Variants in ABRACL observed in about 807,000 individuals in gnomAD.
The protein encoded by ABRACL is costars family protein ABRACL.
ABRACL carries 4 observed loss-of-function variants against 7.0 expected under a neutral mutation model. That is an observed-to-expected ratio of 0.57 (90% CI 0.28 to 1.30). The LOEUF (loss-of-function observed/expected upper bound fraction) is 1.30. Ranked by LOEUF, ABRACL falls within the 50% of genes most tolerant of loss-of-function variation. ABRACL has a pLI of 0.10. For synonymous variants in ABRACL, 30 were observed against 36.0 expected, an observed-to-expected ratio of 0.83 and a Z score of 0.60; for missense variants, 104 against 97.3, an observed-to-expected ratio of 1.07 and a Z score of -0.29.
chr6:139,042,883 A>G lies in ABRACL; in HGVS notation c.226A>G (p.Ile76Val). ...GCAAGGTGTTCATGATGATGTTGACATTATATTACTGCAAGATTAATGTGG... is the reference window on the plus strand; with the variant it reads ...GCAAGGTGTTCATGATGATGTTGACGTTATATTACTGCAAGATTAATGTGG... ...LLQGVHDDVDIILLQD is the reference protein window; with the variant it reads ...LLQGVHDDVDVILLQD Residue 76 changes from isoleucine to valine, a missense_variant, in exon 3 of 3, where the codon ATT (isoleucine) becomes GTT (valine). Physicochemically the swap from Ile to Val is conservative, Grantham distance 29. Coordinates refer to ENST00000367660, the MANE Select transcript of ABRACL (RefSeq NM_021243.3). The G allele has an allele frequency of 1.2e-6, 2 of 1,610,554 alleles. No homozygotes were observed. Among genetic ancestry groups the G allele is most frequent in the Non-Finnish European group, 1.7e-6 (2 of 1,178,816 alleles).
chr6:139,031,100 T>G (rs893821118), intron 1 of ABRACL, among the ~76,000 whole-genome samples: 3 of 152,214 alleles, frequency 2.0e-5, no homozygotes, highest in African/African-American at 4.8e-5. Flanking sequence ...GTTAAAGAGA[T>G]AACATCTTTC....
Position 139,042,988 on chromosome 6 carries a change from C to A in ABRACL, c.*85C>A. 2.6e-6 allele frequency: 3 copies of A among 1,150,928 alleles called. No homozygotes were observed. Among genetic ancestry groups the A allele is most frequent in the Non-Finnish European group, 3.6e-6 (3 of 839,298 alleles). 71.3% of individuals were successfully genotyped at this position (1,150,928 alleles called of 1,614,324 possible). On this transcript the variant is annotated 3_prime_UTR_variant, in exon 3 of 3. Coordinates refer to ENST00000367660, the MANE Select transcript of ABRACL (RefSeq NM_021243.3). ...GTGAAAGAACAAACATTTGAACATA[C>A]TTAATGTATTTTTATAGAACTTTGT... is the stretch of plus-strand genomic sequence containing the variant.
At chr6:139,031,591 A>C (rs1786082380) in intron 1 of ABRACL, among the ~76,000 whole-genome samples, 1 of 152,180 alleles carries the variant, frequency 6.6e-6, no homozygotes, top group Non-Finnish European at 1.5e-5. Flanking sequence ...ATGGCTGGAC[A>C]TTTCTTTGTG....
chr6:139,037,839 C>T (rs1170825167), intron 2 of ABRACL, among the ~76,000 whole-genome samples: 1 of 147,758 alleles, frequency 6.8e-6, no homozygotes, highest in Non-Finnish European at 1.5e-5. Flanking sequence ...TACAGTGGTG[C>T]GATTTTGGCT....
At chr6:139,034,521 A>G in intron 2 of ABRACL, 2 of 1,136,962 alleles carry the variant, frequency 1.8e-6, no homozygotes, top group Non-Finnish European at 2.4e-6. Flanking sequence ...TAATTGAATC[A>G]TGTTCAAATT....
intron 2 of ABRACL, among the ~76,000 whole-genome samples, chr6:139,035,325 G>A (rs191944137): frequency 3.0e-4 from 45 of 152,140 alleles, no homozygotes; most frequent in African/African-American, 1.1e-3. Flanking sequence ...TAAGGTGTTG[G>A]CCGGGGACTC....
At position 139,042,701 on chromosome 6, in the gene ABRACL, T is replaced by C. The variant is rs1786270333; in HGVS notation, c.62-18T>C. The C allele has an allele frequency of 6.2e-7, 1 of 1,601,944 alleles. No homozygotes were observed. The highest frequency in any genetic ancestry group is 8.5e-7 in the Non-Finnish European group (1 of 1,173,284). On this transcript the variant is annotated intron_variant, in intron 2 of 2. Transcript: ENST00000367660. ...AAACAGACTTTGCATTTGCTAACAATGTATTTTCTCAAACTAGATGCTGAT... is the reference window on the plus strand; with the variant it reads ...AAACAGACTTTGCATTTGCTAACAACGTATTTTCTCAAACTAGATGCTGAT...
chr6:139,041,426 TC>T (rs1192496828), intron 2 of ABRACL, among the ~76,000 whole-genome samples: 1 of 47,796 alleles, frequency 2.1e-5, no homozygotes, highest in East Asian at 5.7e-4. Flanking sequence ...ACCAGACCCA[TC>T]TCTCTCTCTC....
In ABRACL at chr6:139,043,136, C is replaced by G; in HGVS notation, c.*233C>G. 1 of 328,280 alleles carries G rather than the reference C, an allele frequency of 3.0e-6. No individual in the cohort carries two copies. The allele number at this position is 328,280 out of a possible 1,614,324, so 20.3% of individuals were successfully genotyped here. A position where few individuals can be genotyped will look rare whatever the true frequency, so the allele number is the denominator to read the frequency against. ...CAGGAATCTGGTTAGGAATTGCAGG[C>G]AATGAGATTTTTTGCGGGGCAGGGA... On this transcript the variant is annotated 3_prime_UTR_variant, in exon 3 of 3. Transcript: ENST00000367660.
chr6:139,030,984 T>C (rs1431437887), intron 1 of ABRACL, among the ~76,000 whole-genome samples: 4 of 152,220 alleles, frequency 2.6e-5, no homozygotes, highest in Non-Finnish European at 5.9e-5. Context: ...AATGCAGGTA[T>C]GCGTACTATA....
intron 2 of ABRACL, among the ~76,000 whole-genome samples, chr6:139,040,564 G>A (rs1283899756): frequency 6.6e-6 from 1 of 152,070 alleles, no homozygotes; most frequent in Admixed American, 6.6e-5. Flanking sequence ...TCATTTGATG[G>A]ATACCTGAAG....
chr6:139,030,937 A>G (rs1347923755), intron 1 of ABRACL, among the ~76,000 whole-genome samples: 2 of 152,242 alleles, frequency 1.3e-5, no homozygotes, highest in Non-Finnish European at 2.9e-5. Flanking sequence ...GTTGCCTTTC[A>G]TGCTTAAAAT....
chr6:139,041,269 C>CTT, intron 2 of ABRACL, among the ~76,000 whole-genome samples: 1 of 146,608 alleles, frequency 6.8e-6, no homozygotes, highest in African/African-American at 2.5e-5. Flanking sequence ...TTTTTTTCTT[C>CTT]TTTTTTTTTT....
chr6:139,029,659 A>C (rs1786050132), intron 1 of ABRACL, among the ~76,000 whole-genome samples: 1 of 152,120 alleles, frequency 6.6e-6, no homozygotes, highest in African/African-American at 2.4e-5. Flanking sequence ...GCAGAACCCC[A>C]AGCTGGTAGC....
intron 1 of ABRACL, among the ~76,000 whole-genome samples, chr6:139,033,625 A>C (rs1368016546): frequency 6.6e-6 from 1 of 151,994 alleles, no homozygotes; most frequent in Non-Finnish European, 1.5e-5. Context: ...CTACCCCACC[A>C]GTCTGGCTGG....
intron 2 of ABRACL, among the ~76,000 whole-genome samples, chr6:139,039,726 G>A (rs1786216377): frequency 6.6e-6 from 1 of 152,202 alleles, no homozygotes; most frequent in African/African-American, 2.4e-5. Context: ...CAGAAGACCA[G>A]GCAAGTGATA....
chr6:139,030,382 C>T (rs1454313148), intron 1 of ABRACL, among the ~76,000 whole-genome samples: 1 of 152,146 alleles, frequency 6.6e-6, no homozygotes, highest in African/African-American at 2.4e-5. Flanking sequence ...GGTCTTATTT[C>T]TTCTGTGTTT....
intron 2 of ABRACL, among the ~76,000 whole-genome samples, chr6:139,035,556 C>T (rs113181927): frequency 0.07 from 10,703 of 152,028 alleles, 511 homozygotes; most frequent in Middle Eastern, 0.13. Flanking sequence ...AATCTCAGCT[C>T]ACTGCAACCT....
intron 2 of ABRACL, among the ~76,000 whole-genome samples, chr6:139,035,919 GTGAAA>G (rs1786148860): frequency 6.9e-6 from 1 of 145,670 alleles, no homozygotes; most frequent in Non-Finnish European, 1.5e-5. Context: ...GGCCAACATG[GTGAAA>G]CCCTGTCTCT....
Sources: allele counts gnomAD v4.1 joint callset (sites outside exome capture counted in the v4.1 genomes callset), GRCh38; gene constraint gnomAD v4.1.1; transcripts MANE v1.5; gene names NCBI Gene and HGNC (gene_info 2026-07-23, HGNC 2026-07-21).